Variants in ANO3 observed in about 807,000 individuals in gnomAD.
ANO3 encodes the protein anoctamin 3.
Under a neutral mutation model 144.8 loss-of-function variants are expected in ANO3, and 99 were observed. That is an observed-to-expected ratio of 0.68 (90% CI 0.58 to 0.81). ANO3 has a LOEUF of 0.81. Ranked by LOEUF, ANO3 falls within the 30% of genes least tolerant of loss-of-function variation. The pLI is 0.00. For missense variants in ANO3, 905 were observed against 1,202.2 expected (o/e 0.75, Z 3.66); for synonymous variants, 414 against 392.6 (o/e 1.05, Z -0.64).
chr11:26,541,504 A>T (rs1249988641), intron 10 of ANO3, among the ~76,000 whole-genome samples: 2 of 152,062 alleles, frequency 1.3e-5, no homozygotes, highest in Admixed American at 1.3e-4. Flanking sequence ...ATATTTTTTG[A>T]ATGAACACTT....
chr11:26,418,400 G>C (rs1206396744), intron 1 of ANO3, among the ~76,000 whole-genome samples: 1 of 151,868 alleles, frequency 6.6e-6, no homozygotes, highest in Non-Finnish European at 1.5e-5. Flanking sequence ...GATATCATGG[G>C]GGACTTCAGA....
chr11:26,504,761 C>T (rs1474082085), intron 4 of ANO3, among the ~76,000 whole-genome samples: 1 of 150,924 alleles, frequency 6.6e-6, no homozygotes, highest in Non-Finnish European at 1.5e-5. Context: ...CGGTGGCTCA[C>T]GCCTGTAATC....
chr11:26,364,755 T>C (rs1856018357), intron 1 of ANO3, among the ~76,000 whole-genome samples: 2 of 152,166 alleles, frequency 1.3e-5, no homozygotes, highest in Non-Finnish European at 2.9e-5. Context: ...CGTGATCAAA[T>C]CATCTCCTAC....
At chr11:26,657,816 G>A (rs181400271) in intron 26 of ANO3, among the ~76,000 whole-genome samples, 131 of 152,154 alleles carry the variant, frequency 8.6e-4, no homozygotes, top group Non-Finnish European at 1.6e-3. Flanking sequence ...ATTGATCCAC[G>A]TTTAGAACAT....
intron 1 of ANO3, among the ~76,000 whole-genome samples, chr11:26,261,707 G>A (rs1853194289): frequency 6.6e-6 from 1 of 152,142 alleles, no homozygotes; most frequent in Admixed American, 6.5e-5. Context: ...CCTTTACTTT[G>A]TCTGAATCTC....
At chr11:26,451,422 CAGG>C (rs1858932441) in intron 3 of ANO3, among the ~76,000 whole-genome samples, 1 of 152,220 alleles carries the variant, frequency 6.6e-6, no homozygotes, top group African/African-American at 2.4e-5. Context: ...AACGGCACAC[CAGG>C]AGATTAAATC....
At chr11:26,464,924 A>G (rs1180602357) in intron 4 of ANO3, among the ~76,000 whole-genome samples, 2 of 151,800 alleles carry the variant, frequency 1.3e-5, no homozygotes, top group Non-Finnish European at 2.9e-5. Flanking sequence ...GAATGTTTAA[A>G]TGCCATTTTG....
intron 11 of ANO3, 78 bp from the exon 12 acceptor site, chr11:26,547,338 T>G (rs1849813758): frequency 6.9e-7 from 1 of 1,440,270 alleles, no homozygotes; most frequent in Admixed American, 1.8e-5. Context: ...TCTGAAATTC[T>G]GACTAGGTGT....
At position 26,432,842 on chromosome 11, in the gene ANO3, C is replaced by T. The variant is rs577358920; in HGVS notation, c.47-9076C>T. Among the ~76,000 whole-genome samples, 6 of 152,184 alleles carry T rather than the reference C, an allele frequency of 3.9e-5. 1 individual carries two copies. The South Asian group carries it at 1.2e-3, about 32-fold the overall frequency. ...TTTGAAGTCGGGTAACATGATGCCT[C>T]GAGGTTTATTCTTTTTGCTTAGGAT... is the stretch of plus-strand genomic sequence containing the variant. On this transcript the variant is annotated intron_variant, in intron 1 of 26. Coordinates refer to ENST00000256737, the MANE Select transcript of ANO3 (RefSeq NM_031418.4).
At chr11:26,516,611 A>G (rs1159963275) in intron 5 of ANO3, among the ~76,000 whole-genome samples, 1 of 151,992 alleles carries the variant, frequency 6.6e-6, no homozygotes, top group Non-Finnish European at 1.5e-5. Context: ...ACTAATGCAC[A>G]TAGGTGGTTA....
At chr11:26,375,712 T>C (rs1387195715) in intron 1 of ANO3, among the ~76,000 whole-genome samples, 4 of 152,178 alleles carry the variant, frequency 2.6e-5, no homozygotes, top group South Asian at 2.1e-4. Flanking sequence ...AGCCAAGATA[T>C]ATATGCATGA....
At chr11:26,346,341 T>G (rs2133906463) in intron 1 of ANO3, among the ~76,000 whole-genome samples, 1 of 152,306 alleles carries the variant, frequency 6.6e-6, no homozygotes, top group East Asian at 1.9e-4. Flanking sequence ...CTTATGAAAT[T>G]TAGTAATTTA....
chr11:26,214,616 T>C (rs1488388180), intron 1 of ANO3, among the ~76,000 whole-genome samples: 2 of 151,938 alleles, frequency 1.3e-5, no homozygotes, highest in Non-Finnish European at 2.9e-5. Flanking sequence ...CTTTTAGTTT[T>C]AGAACAGATT....
intron 3 of ANO3, among the ~76,000 whole-genome samples, chr11:26,458,260 A>G (rs1350047963): frequency 6.6e-6 from 1 of 152,142 alleles, no homozygotes; most frequent in Non-Finnish European, 1.5e-5. Flanking sequence ...GATCTCACTG[A>G]TGGCAGAATA....
At chr11:26,475,979 C>A (rs1381132138) in intron 4 of ANO3, among the ~76,000 whole-genome samples, 4 of 152,060 alleles carry the variant, frequency 2.6e-5, no homozygotes, top group East Asian at 1.9e-4. Flanking sequence ...ACTCCTCCCC[C>A]CAGAGCTTCT....
At chr11:26,380,468 T>TCAAC (rs758954714) in intron 1 of ANO3, among the ~76,000 whole-genome samples, 5 of 152,182 alleles carry the variant, frequency 3.3e-5, no homozygotes, top group Admixed American at 6.5e-5. Flanking sequence ...AAGTCCAAGA[T>TCAAC]CAAGGCATCA....
chr11:26,554,566 A>G (rs918446414), intron 13 of ANO3, among the ~76,000 whole-genome samples: 1 of 152,064 alleles, frequency 6.6e-6, no homozygotes, highest in African/African-American at 2.4e-5. Context: ...TGAGAATTCC[A>G]GTTTTCTGTG....
At chr11:26,278,176 G>A (rs900732331) in intron 1 of ANO3, among the ~76,000 whole-genome samples, 5 of 152,028 alleles carry the variant, frequency 3.3e-5, no homozygotes, top group Admixed American at 6.6e-5. Context: ...CTGACACACC[G>A]TTTAGATCTG....
intron 1 of ANO3, among the ~76,000 whole-genome samples, chr11:26,439,144 C>T (rs1271689557): frequency 6.6e-6 from 1 of 152,040 alleles, no homozygotes; most frequent in African/African-American, 2.4e-5. Flanking sequence ...AAAGTTGGAG[C>T]CTACCTTCAC....
Sources: gnomAD v4.1 joint callset for allele counts (sites outside exome capture counted in the v4.1 genomes callset) on GRCh38, gnomAD v4.1.1 for gene constraint, MANE v1.5 for transcripts, NCBI Gene and HGNC (gene_info 2026-07-23, HGNC 2026-07-21) for gene names.